Variants in TAS2R31 observed in about 807,000 individuals in gnomAD.
The protein encoded by TAS2R31 is taste 2 receptor member 31, also known as taste receptor type 2 member 31.
For missense variants in TAS2R31, 352 were observed against 347.4 expected, an observed-to-expected ratio of 1.01 and a Z score of -0.10; for synonymous variants, 118 against 131.4, an observed-to-expected ratio of 0.90 and a Z score of 0.70.
Position 11,031,172 on chromosome 12 carries a change from C to G in TAS2R31, c.164G>C (p.Arg55Thr). The G allele has an allele frequency of 6.2e-7, 1 of 1,614,224 alleles. No individual in the cohort carries two copies. Among genetic ancestry groups the G allele is most frequent in the Non-Finnish European group, 8.5e-7 (1 of 1,180,020 alleles). The change falls in exon 1 of 1, where the codon AGA becomes ACA. Residue 55 changes from arginine (R) to threonine (T), a missense_variant. Coordinates refer to ENST00000390675, the MANE Select transcript of TAS2R31 (RefSeq NM_176885.2). ...DQILTALAVSRVGLLWVLLLN... is the reference protein window; with the variant it reads ...DQILTALAVSTVGLLWVLLLN... The stretch of plus-strand genomic sequence containing the variant: ...TAATAATACCCAGAGCAAACCAACT[C>G]TGGAGACCGCCAGAGCAGTGAGAAT...
chr12:11,031,284 CAAAT>C, the TAS2R31 span: 1 of 1,613,792 alleles, frequency 6.2e-7, no homozygotes, highest in Non-Finnish European at 8.5e-7. Flanking sequence ...TTTCCAATAA[CAAAT>C]AGAACCACTA....
rs1203677250 is a variant in TAS2R31 at position 11,030,606 on chromosome 12, A to G, written c.730T>C (p.Ser244Pro). ...FLLLCAVYFL[S>P]IMISVWSFGS... ...AAACTCCAAACTGATATCATTATGG[A>G]CAGAAAGTAAACGGCACATAACAAG... The change falls in exon 1 of 1, where the codon TCC becomes CCC. Residue 244 changes from serine to proline, a missense_variant. Ser to Pro is a moderately conservative substitution (Grantham distance 74). Transcript: ENST00000390675. 1 of 1,614,082 alleles carries G rather than the reference A, an allele frequency of 6.2e-7. No homozygotes were observed. Among genetic ancestry groups the G allele is most frequent in the South Asian group, 1.1e-5 (1 of 91,084 alleles).
At position 11,031,346 on chromosome 12, in the gene TAS2R31, A is replaced by T; in HGVS notation, c.-11T>A. The T allele has an allele frequency of 1.2e-6, 2 of 1,608,850 alleles. No homozygotes were observed. The highest frequency in any genetic ancestry group is 1.7e-6 in the Non-Finnish European group (2 of 1,178,286). ...TATAAAAGTTGTCATGTCTGAACAG[A>T]CAAAAAAAAATTGTTTTAATGCTGG... On this transcript the variant is annotated 5_prime_UTR_variant, in exon 1 of 1. Transcript: ENST00000390675.
rs746779083 is a variant in TAS2R31, at chr12:11,030,981, G to A, written c.355C>T (p.Leu119Phe). The A allele has an allele frequency of 1.2e-6, 2 of 1,614,272 alleles. No individual in the cohort carries two copies. Among genetic ancestry groups the A allele is most frequent in the Admixed American group, 1.7e-5 (1 of 60,032 alleles). ...CTCTTAACTCTCCTCTTTAAGTGAA[G>A]AAAAATAAGGTTGGAGAAATTGGCA... The part of the protein sequence containing the change: ...KIANFSNLIF[L>F]HLKRRVKSVI... The change falls in exon 1 of 1, where the codon CTT (leucine) becomes TTT (phenylalanine). Residue 119 changes from leucine (L) to phenylalanine (F), a missense_variant. By Grantham distance (22) the Leu-to-Phe change is conservative (BLOSUM62 0). Transcript: ENST00000390675.
In TAS2R31 at chr12:11,030,580, A is replaced by C; in HGVS notation, c.756T>G (p.Phe252Leu). The stretch of plus-strand genomic sequence containing the variant: ...AGACAGGTTTGTTTTCCAGACTCCC[A>C]AAACTCCAAACTGATATCATTATGG... ...FLSIMISVWS[F>L]GSLENKPVFM... The change falls in exon 1 of 1, where the codon TTT becomes TTG. Residue 252 changes from phenylalanine to leucine, a missense_variant. Physicochemically the swap from Phe to Leu is conservative, Grantham distance 22. Coordinates refer to ENST00000390675, the MANE Select transcript of TAS2R31 (RefSeq NM_176885.2). The C allele has an allele frequency of 6.2e-7, 1 of 1,614,214 alleles. No individual in the cohort carries two copies. The highest frequency in any genetic ancestry group is 1.1e-5 in the South Asian group (1 of 91,090).
chr12:11,030,872 G>T lies in TAS2R31; in HGVS notation c.464C>A (p.Thr155Lys), dbSNP rs371495294. ...AGTCAAGTTTCCTTCATATTCTTTTGTCCGTACAATCTCTTTCATGTTTAT... is the reference window on the plus strand; with the variant it reads ...AGTCAAGTTTCCTTCATATTCTTTTTTCCGTACAATCTCTTTCATGTTTAT... ...FVINMKEIVR[T>K]KEYEGNLTWK... The change falls in exon 1 of 1, where the codon ACA becomes AAA. Residue 155 changes from threonine (T) to lysine (K), a missense_variant. By Grantham distance (78) the Thr-to-Lys change is moderately conservative. Coordinates refer to ENST00000390675, the MANE Select transcript of TAS2R31 (RefSeq NM_176885.2). 378 of 1,613,992 alleles carry T rather than the reference G, an allele frequency of 2.3e-4. No individual in the cohort carries two copies. The highest frequency in any genetic ancestry group is 3.1e-4 in the Non-Finnish European group (367 of 1,179,998).
chr12:11,031,231 C>A lies in TAS2R31; in HGVS notation c.105G>T (p.Arg35=), dbSNP rs778006326. 1.2e-6 allele frequency: 2 copies of A among 1,614,014 alleles called. No individual in the cohort carries two copies. Among genetic ancestry groups the A allele is most frequent in the Non-Finnish European group, 8.5e-7 (1 of 1,179,968 alleles). ...GFIALVNSIE[R]VKRQKISFAD... is the part of the protein sequence containing the mutation. ...CAAAAGAGATCTTTTGTCTCTTGAC[C>A]CGCTCAATGGAATTTACCAATGCTA... Residue 35 remains arginine, a synonymous_variant, in exon 1 of 1, where the codon CGG becomes CGT. Transcript: ENST00000390675.
the TAS2R31 span, chr12:11,030,674 G>GT: frequency 1.2e-6 from 2 of 1,614,062 alleles, no homozygotes; most frequent in Non-Finnish European, 1.7e-6. Context: ...GTGGACCTTG[G>GT]TGCTGGGATC....
Position 11,030,521 on chromosome 12 carries a change from G to A in TAS2R31, c.815C>T (p.Pro272Leu), listed in dbSNP as rs775769698. 182 of 1,614,108 alleles carry A rather than the reference G, an allele frequency of 1.1e-4. No homozygotes were observed. The highest frequency in any genetic ancestry group is 1.5e-4 in the Non-Finnish European group (177 of 1,180,032). Reference protein sequence around the residue: ...MFCKAIRFSYPSIHPFILIWG... With the variant: ...MFCKAIRFSYLSIHPFILIWG... ...AATCAGGATGAATGGGTGGATTGAA[G>A]GATAGCTGAATCTAATAGCTTTGCA... Residue 272 changes from proline (P) to leucine (L), a missense_variant, in exon 1 of 1, where the codon CCT (proline) becomes CTT (leucine). Coordinates refer to ENST00000390675, the MANE Select transcript of TAS2R31 (RefSeq NM_176885.2).
Position 11,030,872 on chromosome 12 carries a change from G to C in TAS2R31, c.464C>G (p.Thr155Arg), listed in dbSNP as rs371495294. The part of the protein sequence containing the change: ...FVINMKEIVR[T>R]KEYEGNLTWK... ...AGTCAAGTTTCCTTCATATTCTTTTGTCCGTACAATCTCTTTCATGTTTAT... is the reference window on the plus strand; with the variant it reads ...AGTCAAGTTTCCTTCATATTCTTTTCTCCGTACAATCTCTTTCATGTTTAT... Residue 155 changes from threonine (T) to arginine (R), a missense_variant, in exon 1 of 1, where the codon ACA (threonine) becomes AGA (arginine). Coordinates refer to ENST00000390675, the MANE Select transcript of TAS2R31 (RefSeq NM_176885.2). 1.9e-6 allele frequency: 3 copies of C among 1,613,992 alleles called. No individual in the cohort carries two copies. In the African/African-American group the frequency reaches 4.0e-5, roughly 22 times the overall value.
rs139069360 is a variant in TAS2R31 at position 11,030,493 on chromosome 12, C to A, written c.843G>T (p.Trp281Cys). Residue 281 changes from tryptophan (W) to cysteine (C), a missense_variant, in exon 1 of 1, where the codon TGG becomes TGT. Physicochemically the swap from Trp to Cys is radical, Grantham distance 215 (BLOSUM62 -2). Coordinates refer to ENST00000390675, the MANE Select transcript of TAS2R31 (RefSeq NM_176885.2). ...AAGTCTGCTTTAGCTTCTTGTTTCC[C>A]CAAATCAGGATGAATGGGTGGATTG... ...YPSIHPFILIWGNKKLKQTFL... is the reference protein window; with the variant it reads ...YPSIHPFILICGNKKLKQTFL... The A allele has an allele frequency of 0.016, 25,121 of 1,613,922 alleles. 3 individuals carry two copies. The highest frequency in any genetic ancestry group is 0.032 in the Middle Eastern group (193 of 6,062).
the TAS2R31 span, chr12:11,030,935 A>AACAG: frequency 6.2e-7 from 1 of 1,614,186 alleles, no homozygotes; most frequent in South Asian, 1.1e-5. Context: ...TAAAGGCCCC[A>AACAG]ACAGCATCAC....
In TAS2R31 at chr12:11,030,739, G is replaced by A; in HGVS notation, c.597C>T (p.Ile199=). Residue 199 remains isoleucine (I), a synonymous_variant, in exon 1 of 1, where the codon ATC becomes ATT. Transcript: ENST00000390675. ...TLTLLCFLLL[I]CSLCKHLKKM... ...TCTTGAGATGTTTACACAGAGAACA[G>A]ATTAACAGCAAAAAACATAGCAGGG... The A allele has an allele frequency of 6.2e-7, 1 of 1,614,188 alleles. No homozygotes were observed. Among genetic ancestry groups the A allele is most frequent in the Non-Finnish European group, 8.5e-7 (1 of 1,180,028 alleles).
chr12:11,031,396 CA>C lies in TAS2R31; in HGVS notation c.-62del, dbSNP rs1484883393. On this transcript the variant is annotated 5_prime_UTR_variant, in exon 1 of 1. Coordinates refer to ENST00000390675, the MANE Select transcript of TAS2R31 (RefSeq NM_176885.2). ...GTGTTGTGTCCGGAGTTGGTTCCTG[CA>C]GGTGGGTTCGTGGTCTCCCTGACTT... 1 of 1,570,836 alleles carries C rather than the reference CA, an allele frequency of 6.4e-7. No homozygotes were observed. Among genetic ancestry groups the C allele is most frequent in the East Asian group, 2.3e-5 (1 of 44,374 alleles).
At position 11,031,257 on chromosome 12, in the gene TAS2R31, T is replaced by C; in HGVS notation, c.79A>G (p.Ile27Val). ...FVIGNFANGF[I>V]ALVNSIERVK... ...CGCTCAATGGAATTTACCAATGCTA[T>C]GAAGCCATTAGCAAAATTTCCAATA... Residue 27 changes from isoleucine (I) to valine (V), a missense_variant, in exon 1 of 1, where the codon ATA becomes GTA. Physicochemically the swap from Ile to Val is conservative, Grantham distance 29 (BLOSUM62 3). Coordinates refer to ENST00000390675, the MANE Select transcript of TAS2R31 (RefSeq NM_176885.2). The C allele has an allele frequency of 6.2e-7, 1 of 1,614,080 alleles. No homozygotes were observed.
At position 11,031,041 on chromosome 12, in the gene TAS2R31, C is replaced by G. The variant is rs575434634; in HGVS notation, c.295G>C (p.Ala99Pro). The part of the protein sequence containing the change: ...AVTGHFSNWL[A>P]TSLSIFYLLK... ...AAATAAAATATGCTGAGGCTAGTAG[C>G]AAGCCAGTTGCTGAAATGGCCGGTT... is the stretch of plus-strand genomic sequence containing the variant. Residue 99 changes from alanine to proline, a missense_variant, in exon 1 of 1, where the codon GCT becomes CCT. Ala to Pro is a conservative substitution (Grantham distance 27). Transcript: ENST00000390675. The G allele has an allele frequency of 2.5e-6, 4 of 1,614,296 alleles. No individual in the cohort carries two copies. In the East Asian group the frequency reaches 6.7e-5, roughly 27 times the overall value.
chr12:11,031,185 G>C lies in TAS2R31; in HGVS notation c.151C>G (p.Leu51Val). 6.2e-7 allele frequency: 1 copy of C among 1,614,190 alleles called. No homozygotes were observed. Among genetic ancestry groups the C allele is most frequent in the Non-Finnish European group, 8.5e-7 (1 of 1,180,020 alleles). ...ISFADQILTA[L>V]AVSRVGLLWV... ...AGCAAACCAACTCTGGAGACCGCCA[G>C]AGCAGTGAGAATCTGGTCAGCAAAA... The change falls in exon 1 of 1, where the codon CTG (leucine) becomes GTG (valine). Residue 51 changes from leucine to valine, a missense_variant. Transcript: ENST00000390675.
rs778214665 is a variant in TAS2R31 at position 11,030,406 on chromosome 12, C to G, written c.930G>C (p.Ter310TyrextTer?). The G allele has an allele frequency of 6.2e-7, 1 of 1,613,030 alleles. No individual in the cohort carries two copies. Among genetic ancestry groups the G allele is most frequent in the South Asian group, 1.1e-5 (1 of 90,952 alleles). ...WVKGEKPSSP[*>Y] ...GACACACAATGCCCCTCTCATGAAT[C>G]TATGGAGATGAAGGCTTCTCTCCTT... is the stretch of plus-strand genomic sequence containing the variant. The change falls in exon 1 of 1, where the codon TAG (stop) becomes TAC (tyrosine). Residue 310 changes from the stop codon to tyrosine (Y), a stop_lost. Coordinates refer to ENST00000390675, the MANE Select transcript of TAS2R31 (RefSeq NM_176885.2).
the TAS2R31 span, chr12:11,030,844 C>T: frequency 2.5e-6 from 4 of 1,614,050 alleles, no homozygotes; most frequent in African/African-American, 4.0e-5. Flanking sequence ...ATTTGATCTT[C>T]CAAGTCAAGT....
Sources: allele counts gnomAD v4.1 joint callset, GRCh38; gene constraint gnomAD v4.1.1; transcripts MANE v1.5; gene names NCBI Gene and HGNC (gene_info 2026-07-23, HGNC 2026-07-21).